Variants in PIGL observed in about 807,000 individuals in gnomAD.
The protein encoded by PIGL is phosphatidylinositol glycan anchor biosynthesis class L.
PIGL carries 22 observed loss-of-function variants against 31.1 expected under a neutral mutation model. The ratio of observed to expected loss-of-function variants is 0.71; its 90% confidence interval spans 0.51 to 1.01. The LOEUF (loss-of-function observed/expected upper bound fraction) is 1.01, where lower values mean the gene tolerates loss of function less well. Among genes scored for constraint, PIGL ranks in the 50% least tolerant of loss-of-function variants. The pLI is 0.00. For missense variants in PIGL, 302 were observed against 315.9 expected (o/e 0.96, Z 0.33); for synonymous variants, 131 against 117.4 (o/e 1.12, Z -0.75).
At position 16,268,728 on chromosome 17, in the gene PIGL, G is replaced by A. The variant is rs556186140; in HGVS notation, c.336-31160G>A. On this transcript the variant is annotated intron_variant, in intron 2 of 6. Coordinates refer to ENST00000225609, the MANE Select transcript of PIGL (RefSeq NM_004278.4). ...GCCTCCCAAAGTGCTGAAATTACAG[G>A]CATGAGCCACTGCGCCTGGCGTTTT... is the stretch of plus-strand genomic sequence containing the variant. Among the ~76,000 whole-genome samples the A allele has an allele frequency of 2.0e-5, 3 of 151,994 alleles. No individual in the cohort carries two copies. The South Asian group carries it at 6.2e-4, about 32-fold the overall frequency.
At chr17:16,246,649 A>G (rs1355491530) in intron 2 of PIGL, among the ~76,000 whole-genome samples, 1 of 149,232 alleles carries the variant, frequency 6.7e-6, no homozygotes, top group Non-Finnish European at 1.5e-5. Context: ...ACATTTCTGC[A>G]GGCTAGAAGT....
intron 2 of PIGL, among the ~76,000 whole-genome samples, chr17:16,268,007 C>A (rs1354598005): frequency 6.6e-6 from 1 of 152,068 alleles, no homozygotes; most frequent in Non-Finnish European, 1.5e-5. Context: ...AGCTCCCAGA[C>A]CAGGGAGGGG....
chr17:16,245,769 TACAC>T (rs1425441076), intron 2 of PIGL, among the ~76,000 whole-genome samples: 7 of 148,830 alleles, frequency 4.7e-5, no homozygotes, highest in Non-Finnish European at 8.9e-5. Context: ...TATATATACA[TACAC>T]ACACACATAT....
At chr17:16,278,031 A>G (rs1014841769) in intron 2 of PIGL, among the ~76,000 whole-genome samples, 2 of 151,814 alleles carry the variant, frequency 1.3e-5, no homozygotes, top group Non-Finnish European at 2.9e-5. Flanking sequence ...CCATTGAATT[A>G]GTGCATTATT....
intron 5 of PIGL, chr17:16,317,091 T>C (rs879582472): frequency 5.6e-6 from 6 of 1,062,624 alleles, no homozygotes; most frequent in African/African-American, 1.6e-5. Flanking sequence ...TTAGGAACTC[T>C]TCCTAACCCA....
At chr17:16,300,047 A>G in intron 3 of PIGL, 69 bp downstream of exon 3, 1 of 1,269,836 alleles carries the variant, frequency 7.9e-7, no homozygotes, top group Non-Finnish European at 1.2e-6. Context: ...GGTTTCTGTA[A>G]TTTTTTCTGT....
At chr17:16,261,428 G>A (rs753273377) in intron 2 of PIGL, among the ~76,000 whole-genome samples, 3 of 152,106 alleles carry the variant, frequency 2.0e-5, no homozygotes, top group Admixed American at 1.3e-4. Context: ...ATTGGACTTT[G>A]TCAAAATTAA....
In PIGL at chr17:16,233,995, C is replaced by T. The variant is rs1311360342; in HGVS notation, c.260C>T (p.Thr87Ile). ...SAGNYYNQGE[T>I]RKKELLQSCD... ...GGAAATTACTACAATCAAGGAGAGA[C>T]TCGTAAGAAAGAACTTTTGCAGAGC... is the stretch of plus-strand genomic sequence containing the variant. Residue 87 changes from threonine to isoleucine, a missense_variant, in exon 2 of 7, where the codon ACT becomes ATT. Thr to Ile is a moderately conservative substitution (Grantham distance 89, BLOSUM62 -1). Coordinates refer to ENST00000225609, the MANE Select transcript of PIGL (RefSeq NM_004278.4). The T allele has an allele frequency of 1.2e-6, 2 of 1,607,888 alleles. No individual in the cohort carries two copies. Among genetic ancestry groups the T allele is most frequent in the Non-Finnish European group, 1.7e-6 (2 of 1,174,668 alleles).
At chr17:16,284,567 T>C (rs2092929516) in intron 2 of PIGL, among the ~76,000 whole-genome samples, 1 of 152,168 alleles carries the variant, frequency 6.6e-6, no homozygotes, top group Non-Finnish European at 1.5e-5. Context: ...GTGCTTGAGA[T>C]ATTTTGCAGG....
intron 2 of PIGL, among the ~76,000 whole-genome samples, chr17:16,248,427 C>T (rs2092757801): frequency 1.3e-5 from 2 of 152,178 alleles, no homozygotes; most frequent in Admixed American, 1.3e-4. Context: ...ACAATACAGG[C>T]AGGTTCTTTG....
intron 3 of PIGL, among the ~76,000 whole-genome samples, chr17:16,301,553 C>T (rs1023368804): frequency 3.3e-5 from 5 of 149,510 alleles, no homozygotes; most frequent in African/African-American, 1.2e-4. Context: ...TGAGCTACCA[C>T]ACCCAGCCAA....
intron 2 of PIGL, among the ~76,000 whole-genome samples, chr17:16,234,394 C>T (rs1053175089): frequency 8.5e-5 from 13 of 152,086 alleles, no homozygotes; most frequent in African/African-American, 2.9e-4. Context: ...TTGCAGTGAG[C>T]TGAGATCAAG....
chr17:16,269,251 G>GTAAA (rs1335949439), intron 2 of PIGL, among the ~76,000 whole-genome samples: 6 of 152,180 alleles, frequency 3.9e-5, no homozygotes, highest in Non-Finnish European at 5.9e-5. Flanking sequence ...TGACACATAT[G>GTAAA]GCCTCTATAG....
chr17:16,286,392 C>G (rs2092937879), intron 2 of PIGL, among the ~76,000 whole-genome samples: 2 of 152,196 alleles, frequency 1.3e-5, no homozygotes, highest in African/African-American at 2.4e-5. Flanking sequence ...GGGGGCTTCC[C>G]TCACCAGCAC....
chr17:16,295,548 G>A (rs930781447), intron 2 of PIGL, among the ~76,000 whole-genome samples: 3 of 152,012 alleles, frequency 2.0e-5, no homozygotes, highest in African/African-American at 4.8e-5. Flanking sequence ...TTGGGAGGCT[G>A]AGGTGGGAGG....
At chr17:16,237,101 C>CTTTTTTTTT (rs71150281) in intron 2 of PIGL, among the ~76,000 whole-genome samples, 1 of 58,144 alleles carries the variant, frequency 1.7e-5, no homozygotes, top group East Asian at 4.0e-4. Context: ...CCACACCTGG[C>CTTTTTTTTT]TTTTTTTTTT....
intron 2 of PIGL, among the ~76,000 whole-genome samples, chr17:16,264,194 G>A (rs1481578862): frequency 8.8e-6 from 1 of 114,116 alleles, no homozygotes; most frequent in Admixed American, 9.4e-5. Context: ...TATATTTTTA[G>A]TAGAGATGGG....
At chr17:16,282,971 G>A (rs1461565971) in intron 2 of PIGL, among the ~76,000 whole-genome samples, 2 of 151,870 alleles carry the variant, frequency 1.3e-5, no homozygotes, top group African/African-American at 4.8e-5. Flanking sequence ...ACCAGCCTGG[G>A]CAACATGGCG....
At chr17:16,301,844 C>T (rs371929472) in intron 3 of PIGL, among the ~76,000 whole-genome samples, 2 of 152,052 alleles carry the variant, frequency 1.3e-5, no homozygotes, top group African/African-American at 4.8e-5. Context: ...GCTGGGATTA[C>T]AGGCGTGAGC....
Sources: allele counts gnomAD v4.1 joint callset (sites outside exome capture counted in the v4.1 genomes callset), GRCh38; gene constraint gnomAD v4.1.1; transcripts MANE v1.5; gene names NCBI Gene and HGNC (gene_info 2026-07-23, HGNC 2026-07-21).